SLC44A2: variants seen among roughly 807,000 people sequenced by gnomAD.
SLC44A2 encodes solute carrier family 44 member 2 (CTL2 blood group), also known as choline transporter-like protein 2.
SLC44A2 carries 57 observed loss-of-function variants against 90.8 expected under a neutral mutation model. The observed-to-expected ratio is 0.63, with a 90% CI of 0.51 to 0.78. The LOEUF (loss-of-function observed/expected upper bound fraction) is 0.78. SLC44A2 is among the 30% of genes least tolerant of loss of function. The pLI is 0.00. For synonymous variants in SLC44A2, 355 were observed against 360.7 expected (o/e 0.98, Z 0.18); for missense variants, 794 against 919.7 (o/e 0.86, Z 1.77).
At chr19:10,607,410 G>C (rs1918140761) in intron 1 of SLC44A2, among the ~76,000 whole-genome samples, 2 of 151,898 alleles carry the variant, frequency 1.3e-5, no homozygotes, top group Admixed American at 1.3e-4. Flanking sequence ...GAGTGCAGTG[G>C]TGCGATCATA....
chr19:10,626,058 C>G (rs2066930028), intron 1 of SLC44A2, among the ~76,000 whole-genome samples, 195 bp from the exon 2 acceptor site: 1 of 152,214 alleles, frequency 6.6e-6, no homozygotes, highest in African/African-American at 2.4e-5. Flanking sequence ...TCCTTCCTCC[C>G]CTGTCCTGGC....
At chr19:10,624,535 G>A (rs1013285395), upstream of SLC44A2, among the ~76,000 whole-genome samples, 1 of 151,500 alleles carries the variant, frequency 6.6e-6, no homozygotes, top group Non-Finnish European at 1.5e-5. Flanking sequence ...AATCCTGATC[G>A]ACCTGCCTCA....
chr19:10,626,347 C>T (rs746122840), intron 2 of SLC44A2, 46 bp downstream of exon 2: 4 of 1,363,976 alleles, frequency 2.9e-6, no homozygotes. Flanking sequence ...AATACTACCC[C>T]AATCCCTGTC....
chr19:10,611,541 G>A (rs1322382113), intron 1 of SLC44A2, among the ~76,000 whole-genome samples: 3 of 145,012 alleles, frequency 2.1e-5, no homozygotes, highest in Admixed American at 6.7e-5. Context: ...GCCAAGGTGG[G>A]TGGATCGTGG....
At chr19:10,626,087 TG>T (rs1420855616) in intron 1 of SLC44A2, among the ~76,000 whole-genome samples, 165 bp from the exon 2 acceptor site, 1 of 152,214 alleles carries the variant, frequency 6.6e-6, no homozygotes, top group Non-Finnish European at 1.5e-5. Flanking sequence ...ACTGGGGGCT[TG>T]GGTGTGGTCA....
chr19:10,602,913 C>T (rs1599563238), intron 1 of SLC44A2, among the ~76,000 whole-genome samples: 1 of 152,178 alleles, frequency 6.6e-6, no homozygotes, highest in East Asian at 1.9e-4. Context: ...CCTCAAATCC[C>T]CCTCCTCTTC....
chr19:10,615,710 ACC>A (rs2066849919), intron 1 of SLC44A2, among the ~76,000 whole-genome samples: 2 of 152,154 alleles, frequency 1.3e-5, no homozygotes, highest in African/African-American at 4.8e-5. Flanking sequence ...TGAAGCTCAA[ACC>A]TGTGTTGTTG....
intron 1 of SLC44A2, 97 bp downstream of exon 1, chr19:10,625,767 G>C: frequency 9.2e-7 from 1 of 1,087,844 alleles, no homozygotes. Context: ...GGGCTGGAGG[G>C]GGAGCGCAAT....
rs779968632 is a variant in SLC44A2, at chr19:10,638,333, G to C, written c.1929+18G>C. The C allele has an allele frequency of 1.2e-6, 2 of 1,609,056 alleles. No homozygotes were observed. The highest frequency in any genetic ancestry group is 1.7e-6 in the Non-Finnish European group (2 of 1,175,518). On this transcript the variant is annotated intron_variant, in intron 20 of 21. Transcript: ENST00000335757. The stretch of plus-strand genomic sequence containing the variant: ...CTATACTGGTATGGACCTCTGGGGA[G>C]AGATGGGGGTTTGGGAAGAAAGAGG...
upstream of SLC44A2, among the ~76,000 whole-genome samples, chr19:10,624,895 G>T (rs1178429145): frequency 6.6e-6 from 1 of 152,178 alleles, no homozygotes; most frequent in African/African-American, 2.4e-5. Flanking sequence ...AGCACTTTGG[G>T]GGGCCACGGT....
At chr19:10,617,018 T>C (rs2066860564) in intron 1 of SLC44A2, among the ~76,000 whole-genome samples, 1 of 151,928 alleles carries the variant, frequency 6.6e-6, no homozygotes. Flanking sequence ...GCCTCCCGGG[T>C]TCATGCCATT....
chr19:10,638,369 T>C, intron 20 of SLC44A2, 54 bp downstream of exon 20: 1 of 1,529,530 alleles, frequency 6.5e-7, no homozygotes, highest in Admixed American at 1.7e-5. Flanking sequence ...TGTTGGGATT[T>C]GCTTGGTCTT....
chr19:10,632,095 C>T lies in SLC44A2; in HGVS notation c.762C>T (p.Arg254=), dbSNP rs535003641. 6.8e-6 allele frequency: 11 copies of T among 1,614,174 alleles called. No individual in the cohort carries two copies. The South Asian group carries it at 1.2e-4, about 18-fold the overall frequency. Residue 254 remains arginine (R), a synonymous_variant, in exon 10 of 22, where the codon CGC becomes CGT. Transcript: ENST00000335757. ...GCCTCCTGTTCATCATCCTGCTTCG[C>T]TTCCTGGCTGGTATTATGGTCTGGG... ...AMSLLFIILL[R]FLAGIMVWVM...
intron 1 of SLC44A2, chr19:10,602,643 T>G (rs1334010404): frequency 8.4e-7 from 1 of 1,192,066 alleles, no homozygotes; most frequent in African/African-American, 1.6e-5. Flanking sequence ...TCTGAGACCC[T>G]AGGCACCGGC....
At chr19:10,621,262 G>A (rs2066892580), upstream of SLC44A2, among the ~76,000 whole-genome samples, 1 of 151,782 alleles carries the variant, frequency 6.6e-6, no homozygotes, top group Non-Finnish European at 1.5e-5. Context: ...TGAGGCAGGA[G>A]AACTACTTGA....
At chr19:10,626,412 C>A in intron 2 of SLC44A2, 111 bp downstream of exon 2, 1 of 681,926 alleles carries the variant, frequency 1.5e-6, no homozygotes, top group South Asian at 1.7e-5. Context: ...ATATTTGAAA[C>A]TTTTTTTTTT....
At chr19:10,623,004 T>G (rs2066903715), upstream of SLC44A2, among the ~76,000 whole-genome samples, 1 of 152,158 alleles carries the variant, frequency 6.6e-6, no homozygotes, top group African/African-American at 2.4e-5. Flanking sequence ...GACAAGGGTT[T>G]CCAGAGGGCT....
intron 1 of SLC44A2, among the ~76,000 whole-genome samples, chr19:10,605,994 A>T (rs1296856821): frequency 1.3e-5 from 2 of 151,982 alleles, no homozygotes; most frequent in Non-Finnish European, 2.9e-5. Flanking sequence ...ACTCCATCTC[A>T]AAAAACAACA....
At chr19:10,615,023 G>A (rs530870478) in intron 1 of SLC44A2, among the ~76,000 whole-genome samples, 4 of 148,454 alleles carry the variant, frequency 2.7e-5, no homozygotes, top group Middle Eastern at 3.5e-3. Flanking sequence ...TATTAAGTTG[G>A]TGCAAAAGTA....
Sources: gnomAD v4.1 joint callset for allele counts (sites outside exome capture counted in the v4.1 genomes callset) on GRCh38, gnomAD v4.1.1 for gene constraint, MANE v1.5 for transcripts, NCBI Gene and HGNC (gene_info 2026-07-23, HGNC 2026-07-21) for gene names.